The following ZAN variants were observed in gnomAD, a reference collection of about 807,000 sequenced individuals.
ZAN encodes the protein zonadhesin.
A neutral mutation model predicts 286.2 loss-of-function variants in ZAN; 260 were observed. That is an observed-to-expected ratio of 0.91 (90% CI 0.82 to 1.01). The LOEUF is 1.01. Among genes scored for constraint, ZAN ranks in the 50% least tolerant of loss-of-function variants. ZAN has a pLI of 0.00. For missense variants in ZAN, 3,410 were observed against 3,639.2 expected (o/e 0.94, Z 1.62); for synonymous variants, 1,368 against 1,417.5 (o/e 0.97, Z 0.79).
At position 100,767,149 on chromosome 7, in the gene ZAN, C is replaced by T. The variant is rs369180844; in HGVS notation, c.4752C>T (p.Ser1584=). The T allele has an allele frequency of 2.1e-5, 34 of 1,613,762 alleles. No homozygotes were observed. The highest frequency in any genetic ancestry group is 1.8e-4 in the East Asian group (8 of 44,872). ...SRSQDSYFVV[S]ATNENRGGIL... is the part of the protein sequence containing the mutation. ...CCCAAGACAGCTATTTTGTTGTGAGCGCCACCAACGAGAACCGCGGGGGGA... is the reference window on the plus strand; with the variant it reads ...CCCAAGACAGCTATTTTGTTGTGAGTGCCACCAACGAGAACCGCGGGGGGA... The change falls in exon 25 of 48, where the codon AGC becomes AGT. Residue 1584 remains serine (S), a synonymous_variant. Transcript: ENST00000613979.
intron 29 of ZAN, 142 bp downstream of exon 29, chr7:100,772,162 C>T (rs190196400): frequency 1.0e-4 from 110 of 1,072,230 alleles, no homozygotes; most frequent in African/African-American, 6.8e-4. Flanking sequence ...GGCGCAATCT[C>T]GGCTCACTGC....
intron 20 of ZAN, 44 bp downstream of exon 20, chr7:100,762,402 C>G (rs1459526235): frequency 1.3e-6 from 2 of 1,526,104 alleles, no homozygotes; most frequent in African/African-American, 1.4e-5. Context: ...AAGGTTCCGT[C>G]CCCTTCCTGG....
At chr7:100,773,193 C>T (rs548278582) in intron 29 of ZAN, 92 bp from the exon 30 acceptor site, 228 of 1,408,788 alleles carry the variant, frequency 1.6e-4, no homozygotes, top group Non-Finnish European at 2.0e-4. Context: ...TGCGAGCTAC[C>T]GCTCCTGGCC....
rs1235232878 is a variant in ZAN, at chr7:100,740,416, T to C, written c.766+1803T>C. On this transcript the variant is annotated intron_variant, in intron 7 of 47. Transcript: ENST00000613979. Reference sequence around the variant, plus strand: ...CAGCAGATAAACAAGTGAACAAAGGTCTCTGGTTTTCCTAGGCAGAGGACC... The same window carrying C: ...CAGCAGATAAACAAGTGAACAAAGGCCTCTGGTTTTCCTAGGCAGAGGACC... 3.5e-5 allele frequency among the ~76,000 whole-genome samples: 3 copies of C among 86,108 alleles called. 1 individual carries two copies. Among genetic ancestry groups the C allele is most frequent in the Non-Finnish European group, 7.1e-5 (3 of 41,986 alleles). The allele number at this position is 86,108 out of a possible 152,430, so 56.5% of individuals were successfully genotyped here.
At chr7:100,783,779 TATATACAC>T (rs1283027115) in intron 35 of ZAN, among the ~76,000 whole-genome samples, 2 of 25,330 alleles carry the variant, frequency 7.9e-5, no homozygotes, top group African/African-American at 1.1e-4. Flanking sequence ...TATATATATA[TATATACAC>T]ATATATATAT....
At position 100,736,828 on chromosome 7, in the gene ZAN, G is replaced by A. The variant is rs1302864034; in HGVS notation, c.273G>A (p.Met91Ile). The A allele has an allele frequency of 6.8e-7, 1 of 1,480,234 alleles. No homozygotes were observed. Among genetic ancestry groups the A allele is most frequent in the South Asian group, 1.2e-5 (1 of 84,486 alleles). The allele number at this position is 1,480,234 out of a possible 1,614,324, so 91.7% of individuals were successfully genotyped here. ...CCCCAGAGGGCAGCTATCTGCATAT[G>A]GAATCGAACAGCTTCCACCGTGGGG... ...YPNGEGSYLH[M>I]ESNSFHRGGV... is the part of the protein sequence containing the mutation. The change falls in exon 5 of 48, where the codon ATG (methionine) becomes ATA (isoleucine). Residue 91 changes from methionine to isoleucine, a missense_variant. Around this residue, in one of 7 missense-constraint regions of ZAN, gnomAD observed 872 missense variants for 938.9 expected, o/e 0.93. Coordinates refer to ENST00000613979, the MANE Select transcript of ZAN (RefSeq NM_003386.3).
intron 9 of ZAN, 78 bp downstream of exon 9, chr7:100,747,719 T>C (rs1038588908): frequency 1.5e-6 from 2 of 1,371,526 alleles, no homozygotes; most frequent in Non-Finnish European, 2.1e-6. Flanking sequence ...GGCCTGGTGC[T>C]GTGGCTCATG....
intron 14 of ZAN, among the ~76,000 whole-genome samples, chr7:100,754,197 G>A (rs1244198830): frequency 1.3e-5 from 2 of 152,100 alleles, no homozygotes; most frequent in African/African-American, 4.8e-5. Context: ...GGTGGCTCAC[G>A]CCTGTAATCC....
rs867584662 is a variant in ZAN at position 100,786,740 on chromosome 7, T to C, written c.6979+599T>C. ...TAAGGTTTTTAATCAGGCCAGGAGA[T>C]AGAGAAAATTGAAGATCAAGGATCC... On this transcript the variant is annotated intron_variant, in intron 37 of 47. Coordinates refer to ENST00000613979, the MANE Select transcript of ZAN (RefSeq NM_003386.3). 4.2e-4 allele frequency among the ~76,000 whole-genome samples: 63 copies of C among 151,778 alleles called. No homozygotes were observed. In the Middle Eastern group the frequency reaches 0.017, roughly 41 times the overall value.
rs576498649 is a variant in ZAN, at chr7:100,775,844, C to T, written c.6192+11C>T. Reference sequence around the variant, plus strand: ...ACCTACTATGGAAAGGTGAGGAAAACATCTGGCTCTTCTCGCTGGGGAGGC... The same window carrying T: ...ACCTACTATGGAAAGGTGAGGAAAATATCTGGCTCTTCTCGCTGGGGAGGC... On this transcript the variant is annotated intron_variant, in intron 33 of 47. Coordinates refer to ENST00000613979, the MANE Select transcript of ZAN (RefSeq NM_003386.3). The T allele has an allele frequency of 6.2e-7, 1 of 1,612,846 alleles. No individual in the cohort carries two copies. The highest frequency in any genetic ancestry group is 1.7e-5 in the Admixed American group (1 of 59,928).
chr7:100,779,543 G>A lies in ZAN; in HGVS notation c.6415G>A (p.Glu2139Lys), dbSNP rs1394078617. The A allele has an allele frequency of 2.5e-6, 4 of 1,612,136 alleles. No homozygotes were observed. Among genetic ancestry groups the A allele is most frequent in the Non-Finnish European group, 2.5e-6 (3 of 1,179,284 alleles). Residue 2139 changes from glutamate to lysine, a missense_variant, in exon 35 of 48, where the codon GAA becomes AAA. Physicochemically the swap from Glu to Lys is moderately conservative, Grantham distance 56. Coordinates refer to ENST00000613979, the MANE Select transcript of ZAN (RefSeq NM_003386.3). The stretch of plus-strand genomic sequence containing the variant: ...GGCGGCCGACCTCCGCAGGGCGCGG[G>A]AAAAGTGCGAGGCAGCGCTCCGGGC... Reference protein sequence around the residue: ...CRAADLRRAREKCEAALRAPV... With the variant: ...CRAADLRRARKKCEAALRAPV...
chr7:100,750,159 A>G (rs955253009), intron 11 of ZAN, among the ~76,000 whole-genome samples: 16 of 148,808 alleles, frequency 1.1e-4, no homozygotes, highest in Middle Eastern at 3.4e-3. Flanking sequence ...CTTTTTTGAG[A>G]TGGAGTCTTG....
Position 100,759,796 on chromosome 7 carries a change from T to G in ZAN, c.3647T>G (p.Val1216Gly). ...EGVSCLSKVY[V>G]TLPESTVTLL... ...GTGTCCTGCCTGAGCAAAGTCTACGTGACCCTGCCCGAGAGCACCGTCACC... is the reference window on the plus strand; with the variant it reads ...GTGTCCTGCCTGAGCAAAGTCTACGGGACCCTGCCCGAGAGCACCGTCACC... Residue 1216 changes from valine to glycine, a missense_variant, in exon 18 of 48, where the codon GTG becomes GGG. Coordinates refer to ENST00000613979, the MANE Select transcript of ZAN (RefSeq NM_003386.3). The G allele has an allele frequency of 6.2e-7, 1 of 1,609,500 alleles. No individual in the cohort carries two copies. The highest frequency in any genetic ancestry group is 8.5e-7 in the Non-Finnish European group (1 of 1,178,272).
chr7:100,764,198 T>C lies in ZAN; in HGVS notation c.4267+2T>C. The C allele has an allele frequency of 6.5e-7, 1 of 1,544,504 alleles. No individual in the cohort carries two copies. Among genetic ancestry groups the C allele is most frequent in the Middle Eastern group, 1.7e-4 (1 of 5,796 alleles). ...CCTGGAGGGAACCCCACTTCTGCCG[T>C]GAGTTGTGCCAAACTCAGAGGAGAG... On this transcript the variant is annotated splice_donor_variant, in intron 22 of 47. Coordinates refer to ENST00000613979, the MANE Select transcript of ZAN (RefSeq NM_003386.3). LOFTEE classifies it high-confidence loss of function.
At chr7:100,759,584 C>A in intron 17 of ZAN, 137 bp from the exon 18 acceptor site, 1 of 1,133,732 alleles carries the variant, frequency 8.8e-7, no homozygotes, top group Non-Finnish European at 1.2e-6. Context: ...TGTGTGGATC[C>A]GGCCTCCCCT....
chr7:100,755,328 G>A lies in ZAN; in HGVS notation c.3227G>A (p.Cys1076Tyr), dbSNP rs1012578936. The change falls in exon 15 of 48, where the codon TGC (cysteine) becomes TAC (tyrosine). Residue 1076 changes from cysteine (C) to tyrosine (Y), a missense_variant. Physicochemically the swap from Cys to Tyr is radical, Grantham distance 194. Transcript: ENST00000613979. Reference sequence around the variant, plus strand: ...CCCCTCTGTCGGGAGGGCTGTGTCTGCAACCCTGGCTTTTTGTTTAGTGAC... The same window carrying A: ...CCCCTCTGTCGGGAGGGCTGTGTCTACAACCCTGGCTTTTTGTTTAGTGAC... ...CGPLCREGCV[C>Y]NPGFLFSDNH... The A allele has an allele frequency of 8.2e-5, 132 of 1,613,752 alleles. No individual in the cohort carries two copies. The highest frequency in any genetic ancestry group is 1.0e-4 in the Non-Finnish European group (121 of 1,179,884).
chr7:100,782,023 T>C (rs1329281622), intron 35 of ZAN, among the ~76,000 whole-genome samples: 1 of 152,184 alleles, frequency 6.6e-6, no homozygotes, highest in Non-Finnish European at 1.5e-5. Flanking sequence ...CCCTTTGAAT[T>C]TCCCTTTCTG....
intron 12 of ZAN, 76 bp from the exon 13 acceptor site, chr7:100,751,106 A>C: frequency 1.5e-6 from 2 of 1,370,476 alleles, no homozygotes; most frequent in Admixed American, 2.3e-5. Context: ...AACAGATTCT[A>C]TGCCCAGTGG....
At chr7:100,784,252 C>T (rs1811414835) in intron 35 of ZAN, among the ~76,000 whole-genome samples, 1 of 151,456 alleles carries the variant, frequency 6.6e-6, no homozygotes, top group African/African-American at 2.4e-5. Flanking sequence ...GCCTCAGCCT[C>T]CTGAGTAGCT....
Sources: allele counts gnomAD v4.1 joint callset (sites outside exome capture counted in the v4.1 genomes callset), GRCh38; gene constraint gnomAD v4.1.1; regional missense constraint gnomAD v4.1.1; transcripts MANE v1.5; gene names NCBI Gene and HGNC (gene_info 2026-07-23, HGNC 2026-07-21).